LUZP1: variants seen among roughly 807,000 people sequenced by gnomAD.
LUZP1 encodes the protein filamin mechanobinding actin cross-linking protein.
A neutral mutation model predicts 71.3 loss-of-function variants in LUZP1; 25 were observed. The ratio of observed to expected loss-of-function variants is 0.35; its 90% CI spans 0.26 to 0.49. The LOEUF is 0.49. Among genes scored for constraint, LUZP1 ranks in the 20% least tolerant of loss-of-function variants. LUZP1 has a pLI of 0.99. For synonymous variants in LUZP1, 481 were observed against 506.4 expected (o/e 0.95, Z 0.67); for missense variants, 1,142 against 1,300.8 (o/e 0.88, Z 1.88).
At chr1:23,113,962 T>G (rs1351712640) in intron 2 of LUZP1, among the ~76,000 whole-genome samples, 4 of 151,656 alleles carry the variant, frequency 2.6e-5, no homozygotes, top group African/African-American at 4.8e-5. Flanking sequence ...AAAAAAAAAT[T>G]TAAGTGGAAA....
At chr1:23,134,644 G>A (rs1039940180) in intron 2 of LUZP1, among the ~76,000 whole-genome samples, 5 of 152,094 alleles carry the variant, frequency 3.3e-5, no homozygotes, top group Admixed American at 2.6e-4. Flanking sequence ...AGCCTGGCAT[G>A]GTGGCGCACG....
chr1:23,158,128 A>T (rs1644434868), intron 2 of LUZP1, among the ~76,000 whole-genome samples: 1 of 152,240 alleles, frequency 6.6e-6, no homozygotes. Context: ...AAAGCAGTCA[A>T]ATGATACTGA....
intron 2 of LUZP1, among the ~76,000 whole-genome samples, chr1:23,167,578 C>G (rs1270855463): frequency 1.3e-5 from 2 of 152,208 alleles, no homozygotes; most frequent in Non-Finnish European, 2.9e-5. Flanking sequence ...CAAGGGTGAG[C>G]ACTGGCCTCG....
intron 2 of LUZP1, among the ~76,000 whole-genome samples, chr1:23,167,112 G>A (rs1034834794): frequency 1.3e-5 from 2 of 152,132 alleles, no homozygotes; most frequent in Non-Finnish European, 2.9e-5. Context: ...TTTCTATGGG[G>A]GTAATTCAAT....
chr1:23,166,233 A>G (rs561609424), intron 2 of LUZP1, among the ~76,000 whole-genome samples: 1 of 152,302 alleles, frequency 6.6e-6, no homozygotes, highest in Admixed American at 6.5e-5. Flanking sequence ...CAGTGGGCAA[A>G]GTAGAGAGAC....
intron 2 of LUZP1, among the ~76,000 whole-genome samples, chr1:23,114,373 C>A (rs913125445): frequency 3.9e-5 from 6 of 152,180 alleles, no homozygotes; most frequent in Non-Finnish European, 7.3e-5. Context: ...TGTGCAGTCT[C>A]TTCACCAAAA....
intron 2 of LUZP1, among the ~76,000 whole-genome samples, chr1:23,136,815 G>A (rs950710140): frequency 1.3e-5 from 2 of 152,240 alleles, no homozygotes; most frequent in Non-Finnish European, 2.9e-5. Flanking sequence ...TACTCAGGGA[G>A]GCTGAGACGG....
chr1:23,111,706 T>C (rs1387376074), intron 2 of LUZP1, among the ~76,000 whole-genome samples: 1 of 152,026 alleles, frequency 6.6e-6, no homozygotes, highest in African/African-American at 2.4e-5. Context: ...ATTCAAATAG[T>C]TTTAGGACAG....
chr1:23,148,171 A>T (rs901449697), intron 2 of LUZP1, among the ~76,000 whole-genome samples: 3 of 152,206 alleles, frequency 2.0e-5, no homozygotes, highest in Non-Finnish European at 4.4e-5. Flanking sequence ...AAGTTCATAT[A>T]GGTAGATAAT....
At chr1:23,091,326 C>G in exon 4 of LUZP1, 2 of 1,614,106 alleles carry the variant, frequency 1.2e-6, no homozygotes, top group Non-Finnish European at 1.7e-6. Flanking sequence ...TGAACTTGGT[C>G]CTACCCTTCG....
chr1:23,153,970 T>C (rs1356268595), intron 2 of LUZP1, among the ~76,000 whole-genome samples: 2 of 152,082 alleles, frequency 1.3e-5, no homozygotes, highest in Admixed American at 6.6e-5. Context: ...ATAATACATC[T>C]ATACAATAGA....
At chr1:23,177,525 A>G (rs1644589886) in exon 1 of LUZP1, 1 of 152,322 alleles carries the variant, frequency 6.6e-6, no homozygotes, top group South Asian at 2.1e-4. Context: ...CTCACCACCC[A>G]AAAGAGAGGG....
intron 2 of LUZP1, among the ~76,000 whole-genome samples, chr1:23,158,902 G>A (rs1644441967): frequency 6.6e-6 from 1 of 150,416 alleles, no homozygotes; most frequent in African/African-American, 2.4e-5. Flanking sequence ...GGGAGACAGA[G>A]GTTGCAGTGA....
chr1:23,093,047 C>T lies in LUZP1; in HGVS notation c.1215G>A (p.Arg405=). Reference sequence around the variant, plus strand: ...AGTTTTCATTGTTGAGAGCAAACTCCCTGTTCCGGAGTCGTTCCCGCTTAT... The same window carrying T: ...AGTTTTCATTGTTGAGAGCAAACTCTCTGTTCCGGAGTCGTTCCCGCTTAT... Residue 405 remains arginine, a synonymous_variant, in exon 4 of 5, where the codon AGG becomes AGA. Transcript: ENST00000302291. This position sits in a 1 kb window ranked among gnomAD's most constrained non-coding sequence, Gnocchi z 4.2. 1 of 1,614,148 alleles carries T rather than the reference C, an allele frequency of 6.2e-7. No homozygotes were observed.
At chr1:23,099,532 A>G (rs1296601579) in intron 3 of LUZP1, among the ~76,000 whole-genome samples, 1 of 152,258 alleles carries the variant, frequency 6.6e-6, no homozygotes, top group East Asian at 1.9e-4. Flanking sequence ...TATTTGTACT[A>G]GCTTATACTA....
chr1:23,089,118 C>G, intron 4 of LUZP1, 65 bp from the exon 4 acceptor site: 2 of 1,524,908 alleles, frequency 1.3e-6, no homozygotes, highest in Non-Finnish European at 1.8e-6. Flanking sequence ...GACACCCTCA[C>G]CTGCTACCAT....
chr1:23,120,572 G>C (rs1339834891), intron 2 of LUZP1, among the ~76,000 whole-genome samples: 1 of 151,894 alleles, frequency 6.6e-6, no homozygotes, highest in Non-Finnish European at 1.5e-5. Context: ...TGCCCAGGCT[G>C]GTCTTGAACT....
chr1:23,135,658 T>C (rs1045122617), intron 2 of LUZP1, among the ~76,000 whole-genome samples: 5 of 152,204 alleles, frequency 3.3e-5, no homozygotes, highest in African/African-American at 7.2e-5. Context: ...TTGCTGTACA[T>C]ATATCATAGG....
At chr1:23,097,874 T>C (rs937845507) in intron 3 of LUZP1, among the ~76,000 whole-genome samples, 1 of 151,978 alleles carries the variant, frequency 6.6e-6, no homozygotes, top group Admixed American at 6.6e-5. Flanking sequence ...GATAGATAGA[T>C]AGGAATTAAG....
Sources: allele counts gnomAD v4.1 joint callset (sites outside exome capture counted in the v4.1 genomes callset), GRCh38; gene constraint gnomAD v4.1.1; non-coding constraint Gnocchi (gnomAD v3.1); transcripts MANE v1.5; gene names NCBI Gene and HGNC (gene_info 2026-07-23, HGNC 2026-07-21).